Variants in ERBB2 observed in about 807,000 individuals in gnomAD.
ERBB2 encodes receptor tyrosine-protein kinase erbB-2.
A neutral mutation model predicts 149.0 loss-of-function variants in ERBB2; 61 were observed. The ratio of observed to expected loss-of-function variants is 0.41; its 90% CI spans 0.33 to 0.51. ERBB2 has a LOEUF of 0.51. ERBB2 is among the 20% of genes least tolerant of loss of function. The pLI, the probability that ERBB2 is intolerant of heterozygous loss-of-function variation, is 0.25. For synonymous variants in ERBB2, 633 were observed against 678.8 expected (o/e 0.93, Z 1.05); for missense variants, 1,205 against 1,655.1 (o/e 0.73, Z 4.72).
chr17:39,696,597 C>T (rs2057869315), upstream of ERBB2: 1 of 152,254 alleles, frequency 6.6e-6, no homozygotes, highest in Non-Finnish European at 1.5e-5. Flanking sequence ...GGCTCAGTTC[C>T]CAGCTCAGCT....
intron 7 of ERBB2, among the ~76,000 whole-genome samples, chr17:39,711,581 AG>A (rs1410956428): frequency 6.6e-5 from 10 of 152,184 alleles, no homozygotes; most frequent in Admixed American, 2.0e-4. Context: ...CTCCTCTCAC[AG>A]GAACAGGAGT....
At chr17:39,724,414 C>T (rs1324201662) in intron 19 of ERBB2, among the ~76,000 whole-genome samples, 1 of 151,768 alleles carries the variant, frequency 6.6e-6, no homozygotes, top group Non-Finnish European at 1.5e-5. Flanking sequence ...CGCGAGCCAC[C>T]ACGCCCGGCT....
chr17:39,701,342 G>C (rs1265150537), intron 1 of ERBB2, among the ~76,000 whole-genome samples: 1 of 152,134 alleles, frequency 6.6e-6, no homozygotes, highest in Non-Finnish European at 1.5e-5. Context: ...TAGCAGTCCA[G>C]AGGTTGAGTA....
intron 14 of ERBB2, 43 bp downstream of exon 14, chr17:39,716,648 G>A (rs749917477): frequency 1.2e-5 from 19 of 1,559,470 alleles, no homozygotes; most frequent in Admixed American, 3.4e-5. Context: ...GGGGGGCAGC[G>A]AGGGGGATTG....
At chr17:39,721,885 TTC>T (rs1293878970) in intron 16 of ERBB2, among the ~76,000 whole-genome samples, 1 of 152,188 alleles carries the variant, frequency 6.6e-6, no homozygotes, top group Non-Finnish European at 1.5e-5. Flanking sequence ...CATACAGCCA[TTC>T]TGTTTTTCAC....
chr17:39,695,382 A>G (rs2057835050), upstream of ERBB2, among the ~76,000 whole-genome samples: 1 of 151,994 alleles, frequency 6.6e-6, no homozygotes, highest in South Asian at 2.1e-4. Context: ...TGGCCTCCCC[A>G]TGGTTAGGAT....
At chr17:39,694,273 G>GACACA (rs2057802677), upstream of ERBB2, among the ~76,000 whole-genome samples, 1 of 25,490 alleles carries the variant, frequency 3.9e-5, no homozygotes, top group Non-Finnish European at 8.7e-5. Context: ...ATATATGTGT[G>GACACA]TATATATATA....
upstream of ERBB2, among the ~76,000 whole-genome samples, chr17:39,691,888 GAT>G (rs1436428719): frequency 1.6e-5 from 2 of 128,306 alleles, no homozygotes; most frequent in Non-Finnish European, 3.2e-5. Context: ...TATAGATATA[GAT>G]ATAGATATAG....
At chr17:39,720,078 G>C (rs546733223) in intron 16 of ERBB2, 1 of 519,824 alleles carries the variant, frequency 1.9e-6, no homozygotes, top group African/African-American at 1.9e-5. Context: ...AGAGTAACTT[G>C]ATGCCTTGTG....
At chr17:39,696,233 CTGAA>C (rs1307948932), upstream of ERBB2, among the ~76,000 whole-genome samples, 1 of 152,156 alleles carries the variant, frequency 6.6e-6, no homozygotes, top group Non-Finnish European at 1.5e-5. Context: ...CTTCCCAGCT[CTGAA>C]TGGGCTCATT....
At position 39,712,028 on chromosome 17, in the gene ERBB2, C is replaced by T. The variant is rs754188777; in HGVS notation, c.1002C>T (p.Cys334=). ...ATGGAACACAGCGGTGTGAGAAGTG[C>T]AGCAAGCCCTGTGCCCGAGGTACCC... ...AEDGTQRCEK[C]SKPCARVCYG... The change falls in exon 8 of 27, where the codon TGC becomes TGT. Residue 334 remains cysteine, a synonymous_variant. Transcript: ENST00000269571. 4 of 1,613,886 alleles carry T rather than the reference C, an allele frequency of 2.5e-6. No homozygotes were observed. Among genetic ancestry groups the T allele is most frequent in the Non-Finnish European group, 3.4e-6 (4 of 1,179,984 alleles).
rs570255308 is a variant in ERBB2 at position 39,727,657 on chromosome 17, C to T, written c.3413-32C>T. ...GTGGCAGAGACACCGGGGTTCCTTC[C>T]CCTAATGGGTCACCTTCTCTTGACC... On this transcript the variant is annotated intron_variant, in intron 26 of 26. Transcript: ENST00000269571. The surrounding 1 kb of genome is among the most constrained non-coding windows in gnomAD (Gnocchi z 4.3). 3.9e-4 allele frequency: 602 copies of T among 1,545,248 alleles called. 6 individuals carry two copies. In the South Asian group the frequency reaches 7.0e-3, roughly 18 times the overall value.
chr17:39,722,164 CAT>C (rs2059489552), intron 16 of ERBB2, among the ~76,000 whole-genome samples: 1 of 152,060 alleles, frequency 6.6e-6, no homozygotes, highest in Non-Finnish European at 1.5e-5. Context: ...GTGATCTGCC[CAT>C]CTCAGCCTCA....
rs770027275 is a variant in ERBB2 at position 39,728,503 on chromosome 17, A to G, written c.*459A>G. 10 of 241,410 alleles carry G rather than the reference A, an allele frequency of 4.1e-5. No homozygotes were observed. Among genetic ancestry groups the G allele is most frequent in the Middle Eastern group, 1.2e-3 (1 of 838 alleles). 15.0% of individuals were successfully genotyped at this position (241,410 alleles called of 1,614,324 possible). On this transcript the variant is annotated 3_prime_UTR_variant, in exon 27 of 27. Transcript: ENST00000269571. Reference sequence around the variant, plus strand: ...TGGTGTCAGTATCCAGGCTTTGTACAGAGTGCTTTTCTGTTTAGTTTTTAC... The same window carrying G: ...TGGTGTCAGTATCCAGGCTTTGTACGGAGTGCTTTTCTGTTTAGTTTTTAC...
chr17:39,708,791 T>C (rs1369320164), intron 3 of ERBB2, among the ~76,000 whole-genome samples: 1 of 152,182 alleles, frequency 6.6e-6, no homozygotes, highest in African/African-American at 2.4e-5. Context: ...GAGTGAAGTG[T>C]ACAGTGAACA....
chr17:39,688,448 C>T (rs950515903), intron 1 of ERBB2, among the ~76,000 whole-genome samples: 5 of 152,220 alleles, frequency 3.3e-5, no homozygotes, highest in Non-Finnish European at 7.3e-5. Context: ...CTACTTTTGC[C>T]TCTTCCAACC....
upstream of ERBB2, among the ~76,000 whole-genome samples, chr17:39,694,217 A>T (rs2057782020): frequency 7.7e-5 from 4 of 51,624 alleles, no homozygotes; most frequent in African/African-American, 4.3e-4. Flanking sequence ...AAAAAAAAAA[A>T]AAAAAAAAAA....
intron 15 of ERBB2, among the ~76,000 whole-genome samples, chr17:39,719,300 C>T (rs2059321388): frequency 6.6e-6 from 1 of 152,094 alleles, no homozygotes; most frequent in African/African-American, 2.4e-5. Context: ...GGGTCCAGAT[C>T]CATATGGATC....
chr17:39,697,326 G>A (rs1425792139), upstream of ERBB2, among the ~76,000 whole-genome samples: 1 of 150,732 alleles, frequency 6.6e-6, no homozygotes, highest in Non-Finnish European at 1.5e-5. Flanking sequence ...CTTACTATAT[G>A]AATGTGCTAG....
Sources: gnomAD v4.1 joint callset for allele counts (sites outside exome capture counted in the v4.1 genomes callset) on GRCh38, gnomAD v4.1.1 for gene constraint, Gnocchi (gnomAD v3.1) non-coding constraint, MANE v1.5 for transcripts, NCBI Gene and HGNC (gene_info 2026-07-23, HGNC 2026-07-21) for gene names.